THEMIS: variants seen among roughly 807,000 people sequenced by gnomAD.
The protein encoded by THEMIS is protein THEMIS.
THEMIS carries 37 observed loss-of-function variants against 52.6 expected under a neutral mutation model. That is an observed-to-expected ratio of 0.70 (90% CI 0.54 to 0.93). The LOEUF (loss-of-function observed/expected upper bound fraction) is 0.93. Among genes scored for constraint, THEMIS ranks in the 40% least tolerant of loss-of-function variants. The pLI, the probability that THEMIS is intolerant of heterozygous loss-of-function variation, is 0.00. For missense variants in THEMIS, 808 were observed against 763.1 expected (o/e 1.06, Z -0.69); for synonymous variants, 292 against 272.7 (o/e 1.07, Z -0.70).
intron 4 of THEMIS, among the ~76,000 whole-genome samples, chr6:127,720,818 C>G (rs1407861511): frequency 1.3e-5 from 2 of 152,014 alleles, no homozygotes; most frequent in Non-Finnish European, 2.9e-5. Flanking sequence ...ACAAAATGAA[C>G]AGTGCTGAGC....
At chr6:127,815,447 G>A (rs1265024009) in intron 3 of THEMIS, among the ~76,000 whole-genome samples, 3 of 151,982 alleles carry the variant, frequency 2.0e-5, no homozygotes, top group Non-Finnish European at 2.9e-5. Context: ...TGTGATTTAT[G>A]TATTACTTAT....
chr6:127,714,187 T>C (rs552945467), intron 5 of THEMIS, among the ~76,000 whole-genome samples: 83 of 151,984 alleles, frequency 5.5e-4, no homozygotes, highest in Non-Finnish European at 9.0e-4. Context: ...CAGACTCACC[T>C]GAGATACATT....
intron 3 of THEMIS, among the ~76,000 whole-genome samples, chr6:127,829,142 A>T (rs1778608083): frequency 6.6e-6 from 1 of 152,190 alleles, no homozygotes; most frequent in Non-Finnish European, 1.5e-5. Flanking sequence ...ATTCTAACTA[A>T]ATATGTTCTA....
intron 1 of THEMIS, among the ~76,000 whole-genome samples, chr6:127,856,114 C>T (rs770534487): frequency 6.6e-5 from 10 of 151,962 alleles, no homozygotes; most frequent in Non-Finnish European, 1.3e-4. Flanking sequence ...AGATGATTTA[C>T]GTTGTCTTTG....
intron 4 of THEMIS, among the ~76,000 whole-genome samples, chr6:127,756,394 A>C (rs968126391): frequency 6.6e-6 from 1 of 152,138 alleles, no homozygotes; most frequent in Non-Finnish European, 1.5e-5. Context: ...ACCAAATTCA[A>C]TTTTATTCAA....
At chr6:127,836,930 G>A (rs758627632) in intron 2 of THEMIS, among the ~76,000 whole-genome samples, 35 of 152,096 alleles carry the variant, frequency 2.3e-4, no homozygotes, top group Non-Finnish European at 4.9e-4. Context: ...GGGGGGTCTC[G>A]TGCAAGTAAC....
intron 4 of THEMIS, among the ~76,000 whole-genome samples, chr6:127,739,662 G>A (rs1222455472): frequency 6.6e-6 from 1 of 151,996 alleles, no homozygotes; most frequent in East Asian, 1.9e-4. Context: ...AAAAGAAAAA[G>A]GAAAGAAATT....
intron 1 of THEMIS, among the ~76,000 whole-genome samples, chr6:127,866,103 G>A (rs1199547031): frequency 2.6e-5 from 4 of 151,858 alleles, no homozygotes; most frequent in Admixed American, 1.3e-4. Context: ...CCTTATATTT[G>A]TAAAATATTG....
intron 1 of THEMIS, among the ~76,000 whole-genome samples, chr6:127,857,459 G>A (rs1422211364): frequency 6.6e-6 from 1 of 151,934 alleles, no homozygotes; most frequent in Non-Finnish European, 1.5e-5. Context: ...TAAGAAGGAG[G>A]AAGTGGTAAA....
chr6:127,853,774 G>A (rs1177221141), intron 2 of THEMIS, among the ~76,000 whole-genome samples: 9 of 151,400 alleles, frequency 5.9e-5, no homozygotes, highest in Non-Finnish European at 1.0e-4. Flanking sequence ...ATTTCAATAC[G>A]TAGCCCTCCC....
intron 1 of THEMIS, among the ~76,000 whole-genome samples, chr6:127,910,251 A>T (rs1466518012): frequency 6.6e-6 from 1 of 152,094 alleles, no homozygotes; most frequent in Non-Finnish European, 1.5e-5. Flanking sequence ...CTACCTTCTC[A>T]GTGTCTCTTT....
At chr6:127,852,745 C>G (rs1423656188) in intron 2 of THEMIS, among the ~76,000 whole-genome samples, 2 of 151,530 alleles carry the variant, frequency 1.3e-5, no homozygotes, top group African/African-American at 4.8e-5. Context: ...CTCCTTAGTG[C>G]TGATGTAGAA....
At chr6:127,798,124 C>A (rs535970899) in intron 4 of THEMIS, among the ~76,000 whole-genome samples, 1 of 152,088 alleles carries the variant, frequency 6.6e-6, no homozygotes, top group Non-Finnish European at 1.5e-5. Context: ...GTATGAATAA[C>A]GGAAATATAA....
chr6:127,700,406 T>C, the THEMIS span, among the ~76,000 whole-genome samples: 22 of 151,916 alleles, frequency 1.4e-4, no homozygotes, highest in Non-Finnish European at 2.9e-4. Context: ...GGGTTATGTC[T>C]AAAAAAGTAT....
chr6:127,717,947 C>T (rs987702219), intron 5 of THEMIS, among the ~76,000 whole-genome samples: 7 of 151,628 alleles, frequency 4.6e-5, no homozygotes, highest in African/African-American at 1.7e-4. Flanking sequence ...TCAGAAAAGG[C>T]CTGCTCTACC....
chr6:127,797,354 C>T (rs1196979694), intron 4 of THEMIS, among the ~76,000 whole-genome samples: 1 of 152,102 alleles, frequency 6.6e-6, no homozygotes. Context: ...TAAGAATGTA[C>T]CACTACCACC....
At chr6:127,894,808 T>C (rs915611264) in intron 1 of THEMIS, among the ~76,000 whole-genome samples, 8 of 151,392 alleles carry the variant, frequency 5.3e-5, no homozygotes, top group African/African-American at 1.9e-4. Flanking sequence ...AAAACAGAAA[T>C]AGCAAAATTT....
intron 1 of THEMIS, among the ~76,000 whole-genome samples, chr6:127,913,919 G>A (rs1422451967): frequency 6.6e-6 from 1 of 152,144 alleles, no homozygotes; most frequent in Non-Finnish European, 1.5e-5. Flanking sequence ...ACATAAAATG[G>A]TGGAGGCCAA....
At chr6:127,848,631 A>T (rs1199990957) in intron 2 of THEMIS, among the ~76,000 whole-genome samples, 1 of 151,972 alleles carries the variant, frequency 6.6e-6, no homozygotes, top group Non-Finnish European at 1.5e-5. Flanking sequence ...CTGGTGTGAG[A>T]TGGTATCTCA....
Sources: gnomAD v4.1 joint callset for allele counts (sites outside exome capture counted in the v4.1 genomes callset) on GRCh38, gnomAD v4.1.1 for gene constraint, MANE v1.5 for transcripts, NCBI Gene and HGNC (gene_info 2026-07-23, HGNC 2026-07-21) for gene names.